FGF12: variants seen among roughly 807,000 people sequenced by gnomAD.
FGF12 encodes fibroblast growth factor 12, also known as fibroblast growth factor 12B.
Under a neutral mutation model 23.6 loss-of-function variants are expected in FGF12, and 14 were observed. That is an observed-to-expected ratio of 0.59 (90% CI 0.39 to 0.93). The LOEUF (loss-of-function observed/expected upper bound fraction) is 0.93, where lower values mean the gene tolerates loss of function less well. Among genes scored for constraint, FGF12 ranks in the 40% least tolerant of loss-of-function variants. The pLI is 0.00. For synonymous variants in FGF12, 62 were observed against 77.3 expected, an observed-to-expected ratio of 0.80 and a Z score of 1.04; for missense variants, 175 against 217.8, an observed-to-expected ratio of 0.80 and a Z score of 1.24.
At chr3:192,570,229 T>G (rs1335110282) in intron 2 of FGF12, among the ~76,000 whole-genome samples, 1 of 152,012 alleles carries the variant, frequency 6.6e-6, no homozygotes, top group African/African-American at 2.4e-5. Context: ...TTGTTTTCCA[T>G]GGGGGGGAGG....
intron 2 of FGF12, among the ~76,000 whole-genome samples, chr3:192,714,513 ATTTTTTT>A (rs770781442): frequency 6.0e-5 from 6 of 99,754 alleles, no homozygotes; most frequent in African/African-American, 1.7e-4. Context: ...TAAGGAAATA[ATTTTTTT>A]TTTTTTTTTT....
intron 4 of FGF12, among the ~76,000 whole-genome samples, chr3:192,310,912 CT>C (rs1715898038): frequency 6.6e-6 from 1 of 152,194 alleles, no homozygotes; most frequent in African/African-American, 2.4e-5. Context: ...GTTTCCACTA[CT>C]TCTTCCACTT....
chr3:192,179,828 G>A (rs1716070894), intron 4 of FGF12, among the ~76,000 whole-genome samples: 1 of 151,818 alleles, frequency 6.6e-6, no homozygotes, highest in Non-Finnish European at 1.5e-5. Flanking sequence ...ATACAACCAT[G>A]AGCCATTGCA....
chr3:192,284,952 A>C (rs1174344479), intron 4 of FGF12, among the ~76,000 whole-genome samples: 1 of 152,026 alleles, frequency 6.6e-6, no homozygotes, highest in African/African-American at 2.4e-5. Context: ...GATTTACAAC[A>C]AGCTGATTGG....
chr3:192,280,475 T>C (rs531489710), intron 4 of FGF12, among the ~76,000 whole-genome samples: 2 of 152,290 alleles, frequency 1.3e-5, no homozygotes, highest in African/African-American at 4.8e-5. Context: ...ATAAGTCTTT[T>C]GCTACTGTAA....
intron 3 of FGF12, among the ~76,000 whole-genome samples, chr3:192,355,554 G>A (rs1718433851): frequency 6.6e-6 from 1 of 152,154 alleles, no homozygotes. Flanking sequence ...ATAACACTCG[G>A]CAAGGAGGAA....
chr3:192,173,262 T>A (rs902859590), intron 4 of FGF12, among the ~76,000 whole-genome samples: 4 of 150,866 alleles, frequency 2.7e-5, no homozygotes, highest in African/African-American at 7.3e-5. Context: ...CATACATTTT[T>A]AAAATGTAAA....
chr3:192,628,531 A>C (rs1466791571), intron 2 of FGF12, among the ~76,000 whole-genome samples: 2 of 150,502 alleles, frequency 1.3e-5, no homozygotes, highest in East Asian at 3.9e-4. Flanking sequence ...GTATATATAT[A>C]TATACTATTT....
intron 2 of FGF12, among the ~76,000 whole-genome samples, chr3:192,634,205 T>A (rs1253993630): frequency 6.6e-6 from 1 of 152,172 alleles, no homozygotes; most frequent in Non-Finnish European, 1.5e-5. Flanking sequence ...ACACGTAGAT[T>A]CATATACACA....
chr3:192,321,856 G>T (rs1716556632), intron 4 of FGF12, among the ~76,000 whole-genome samples: 1 of 152,010 alleles, frequency 6.6e-6, no homozygotes, highest in South Asian at 2.1e-4. Flanking sequence ...CCCACAGCTG[G>T]TATCATACTG....
At chr3:192,538,029 C>T (rs1250774973) in intron 2 of FGF12, among the ~76,000 whole-genome samples, 3 of 148,558 alleles carry the variant, frequency 2.0e-5, no homozygotes, top group African/African-American at 7.4e-5. Context: ...TCACTGCAAC[C>T]TCCTACTCCC....
intron 2 of FGF12, among the ~76,000 whole-genome samples, chr3:192,367,814 G>A (rs1033424913): frequency 5.3e-5 from 8 of 152,146 alleles, no homozygotes; most frequent in Non-Finnish European, 1.0e-4. Flanking sequence ...GGAGTAAAGT[G>A]AGTCATGTCC....
intron 2 of FGF12, among the ~76,000 whole-genome samples, chr3:192,714,576 C>T (rs868032262): frequency 1.8e-3 from 241 of 134,702 alleles, no homozygotes; most frequent in African/African-American, 6.1e-3. Flanking sequence ...TGGAGTGCAG[C>T]GGCGCAATCT....
At chr3:192,707,283 T>A (rs1426147165) in intron 2 of FGF12, among the ~76,000 whole-genome samples, 1 of 152,174 alleles carries the variant, frequency 6.6e-6, no homozygotes, top group Non-Finnish European at 1.5e-5. Context: ...GGGGTGTAAC[T>A]AATGACAAGG....
chr3:192,191,571 C>A (rs1055173109), intron 4 of FGF12, among the ~76,000 whole-genome samples: 4 of 152,188 alleles, frequency 2.6e-5, no homozygotes, highest in Non-Finnish European at 5.9e-5. Flanking sequence ...CACAGTGGCT[C>A]ACGCCTATAA....
At chr3:192,489,332 T>C (rs1723731407) in intron 2 of FGF12, among the ~76,000 whole-genome samples, 1 of 152,014 alleles carries the variant, frequency 6.6e-6, no homozygotes, top group South Asian at 2.1e-4. Flanking sequence ...TATGTGAATA[T>C]AAAATTGCAC....
chr3:192,211,298 T>C (rs1456817267), intron 4 of FGF12, among the ~76,000 whole-genome samples: 3 of 152,100 alleles, frequency 2.0e-5, no homozygotes, highest in African/African-American at 4.8e-5. Flanking sequence ...TTTAAGCAAC[T>C]AAAAGGGTAG....
chr3:192,615,775 G>T (rs1216717328), intron 2 of FGF12, among the ~76,000 whole-genome samples: 1 of 151,962 alleles, frequency 6.6e-6, no homozygotes, highest in African/African-American at 2.4e-5. Flanking sequence ...GTGCTGCTTT[G>T]TTATGCAAGA....
At chr3:192,411,341 G>A (rs1425294334) in intron 2 of FGF12, among the ~76,000 whole-genome samples, 3 of 152,228 alleles carry the variant, frequency 2.0e-5, no homozygotes, top group Non-Finnish European at 4.4e-5. Context: ...AAACAGCTGG[G>A]AGGAGGATTA....
Sources: allele counts gnomAD v4.1 joint callset (sites outside exome capture counted in the v4.1 genomes callset), GRCh38; gene constraint gnomAD v4.1.1; transcripts MANE v1.5; gene names NCBI Gene and HGNC (gene_info 2026-07-23, HGNC 2026-07-21).